The following ELP4 variants were observed in gnomAD, a reference collection of about 807,000 sequenced individuals.
ELP4 encodes elongator acetyltransferase complex subunit 4.
Under a neutral mutation model 48.9 loss-of-function variants are expected in ELP4, and 51 were observed. The observed-to-expected ratio is 1.04, with a 90% confidence interval of 0.83 to 1.32. ELP4 has a LOEUF of 1.32. ELP4 is among the 40% of genes most tolerant of loss of function. The probability of loss-of-function intolerance (pLI) is 0.00; values close to 1 mark genes in which losing one functional copy is unlikely to be tolerated. For missense variants in ELP4, 519 were observed against 514.6 expected, an observed-to-expected ratio of 1.01 and a Z score of -0.08; for synonymous variants, 210 against 189.2, an observed-to-expected ratio of 1.11 and a Z score of -0.90.
rs541383884 is a variant in ELP4 at position 31,586,644 on chromosome 11, GT to G, written c.382-8115del. On this transcript the variant is annotated intron_variant, in intron 3 of 9. Coordinates refer to ENST00000640961, the MANE Select transcript of ELP4 (RefSeq NM_019040.5). ...CCAGTCAAATTTTGTATGTTTTTTGGTTTTTTTTTTTGAGACAGAGTCTTGC... is the reference window on the plus strand; with the variant it reads ...CCAGTCAAATTTTGTATGTTTTTTGGTTTTTTTTTTGAGACAGAGTCTTGC... 1.8e-4 allele frequency among the ~76,000 whole-genome samples: 26 copies of G among 145,926 alleles called. 1 individual carries two copies. Among genetic ancestry groups the G allele is most frequent in the South Asian group, 6.5e-4 (3 of 4,610 alleles).
intron 5 of ELP4, among the ~76,000 whole-genome samples, chr11:31,623,455 T>C (rs895585347): frequency 2.7e-5 from 4 of 147,022 alleles, no homozygotes; most frequent in African/African-American, 9.9e-5. Flanking sequence ...TTATTATCAA[T>C]ATCATGTAAA....
intron 9 of ELP4, among the ~76,000 whole-genome samples, chr11:31,748,680 A>G (rs1401866866): frequency 5.3e-5 from 8 of 152,144 alleles, no homozygotes; most frequent in South Asian, 2.1e-4. Context: ...ACATTATAAT[A>G]TGACAGAAAA....
At chr11:31,738,118 A>G (rs1188881228) in intron 9 of ELP4, among the ~76,000 whole-genome samples, 1 of 151,754 alleles carries the variant, frequency 6.6e-6, no homozygotes, top group African/African-American at 2.4e-5. Context: ...AAATCCAGCC[A>G]GGCACGGTGG....
At chr11:31,574,684 G>C (rs1957242779) in intron 3 of ELP4, among the ~76,000 whole-genome samples, 1 of 152,174 alleles carries the variant, frequency 6.6e-6, no homozygotes, top group Non-Finnish European at 1.5e-5. Context: ...GTCTGGAGTG[G>C]ACCTCCGGCA....
intron 5 of ELP4, among the ~76,000 whole-genome samples, chr11:31,617,851 A>T (rs770826003): frequency 3.4e-4 from 52 of 152,082 alleles, no homozygotes; most frequent in Non-Finnish European, 5.4e-4. Context: ...AAGAAATCAA[A>T]ACCATCATAC....
At chr11:31,620,472 A>C (rs1944597217) in intron 5 of ELP4, among the ~76,000 whole-genome samples, 1 of 151,978 alleles carries the variant, frequency 6.6e-6, no homozygotes, top group Non-Finnish European at 1.5e-5. Context: ...CATGAAATTG[A>C]GATTATAGAG....
At chr11:31,657,727 A>G (rs1011076908) in intron 9 of ELP4, among the ~76,000 whole-genome samples, 2 of 152,046 alleles carry the variant, frequency 1.3e-5, no homozygotes, top group South Asian at 4.1e-4. Context: ...TACAGGAGTT[A>G]TATAACCTTC....
chr11:31,653,019 T>G (rs1945355434), intron 9 of ELP4: 2 of 151,718 alleles, frequency 1.3e-5, no homozygotes, highest in Non-Finnish European at 1.5e-5. Context: ...AGAGCAACTT[T>G]AACTCATAGT....
chr11:31,554,639 T>C (rs1956901611), intron 3 of ELP4, among the ~76,000 whole-genome samples: 1 of 152,136 alleles, frequency 6.6e-6, no homozygotes, highest in Non-Finnish European at 1.5e-5. Context: ...TGCAATATTA[T>C]TAACTATAGT....
chr11:31,779,431 T>C (rs375628759), intron 9 of ELP4, among the ~76,000 whole-genome samples: 40 of 152,252 alleles, frequency 2.6e-4, no homozygotes, highest in East Asian at 2.1e-3. Context: ...AGCCAGGAAT[T>C]CCAATCTTAT....
chr11:31,568,049 T>C (rs1247690112), intron 3 of ELP4, among the ~76,000 whole-genome samples: 1 of 152,190 alleles, frequency 6.6e-6, no homozygotes, highest in African/African-American at 2.4e-5. Context: ...TAGAGCTTTT[T>C]TCAAAATGGG....
At position 31,668,930 on chromosome 11, in the gene ELP4, A is replaced by G. The variant is rs550090628; in HGVS notation, c.1143+18709A>G. ...TTAGTTGAATTTTTAATTTAGTCCA[A>G]TGCTTTTTATTAAAATACATGTCCT... On this transcript the variant is annotated intron_variant, in intron 9 of 9. Coordinates refer to ENST00000640961, the MANE Select transcript of ELP4 (RefSeq NM_019040.5). Among the ~76,000 whole-genome samples, 40 of 151,856 alleles carry G rather than the reference A, an allele frequency of 2.6e-4. No individual in the cohort carries two copies. In the East Asian group the frequency reaches 6.2e-3, roughly 24 times the overall value.
chr11:31,509,941 C>G lies in ELP4; in HGVS notation c.157C>G (p.Arg53Gly). ...GPRLVSIAGT[R>G]PSVRNGQLLV... ...TCGACTGGTGTCCATTGCGGGCACG[C>G]GACCGTCGGTGCGGAATGGACAGCT... is the stretch of plus-strand genomic sequence containing the variant. The change falls in exon 1 of 10, where the codon CGA becomes GGA. Residue 53 changes from arginine to glycine, a missense_variant. Physicochemically the swap from Arg to Gly is moderately radical, Grantham distance 125. Transcript: ENST00000640961. The G allele has an allele frequency of 6.2e-7, 1 of 1,613,550 alleles. No individual in the cohort carries two copies. Among genetic ancestry groups the G allele is most frequent in the Non-Finnish European group, 8.5e-7 (1 of 1,180,022 alleles).
At chr11:31,586,242 C>G (rs931787123) in intron 3 of ELP4, among the ~76,000 whole-genome samples, 1 of 151,982 alleles carries the variant, frequency 6.6e-6, no homozygotes, top group African/African-American at 2.4e-5. Context: ...AAACATATAC[C>G]TAACATTTAT....
chr11:31,634,562 A>C (rs1192906988), intron 7 of ELP4, among the ~76,000 whole-genome samples: 1 of 152,056 alleles, frequency 6.6e-6, no homozygotes, highest in Non-Finnish European at 1.5e-5. Context: ...TTTCTGTGAC[A>C]GTGAATCCTG....
At chr11:31,575,998 A>G (rs1428606187) in intron 3 of ELP4, among the ~76,000 whole-genome samples, 2 of 152,346 alleles carry the variant, frequency 1.3e-5, no homozygotes, top group Non-Finnish European at 2.9e-5. Flanking sequence ...AGACTGGAAA[A>G]TTGGATAAAG....
At chr11:31,681,915 AT>A in intron 9 of ELP4, 1 of 338,854 alleles carries the variant, frequency 3.0e-6, no homozygotes, top group Non-Finnish European at 5.4e-6. Context: ...TAATTTTTGT[AT>A]TTTTAGTAGA....
chr11:31,759,861 G>A (rs966294567), intron 9 of ELP4, among the ~76,000 whole-genome samples: 4 of 151,796 alleles, frequency 2.6e-5, no homozygotes, highest in African/African-American at 9.7e-5. Flanking sequence ...TATATGCCAC[G>A]ACACACAGCT....
intron 3 of ELP4, among the ~76,000 whole-genome samples, chr11:31,579,575 C>T (rs1223700643): frequency 6.6e-6 from 1 of 152,032 alleles, no homozygotes; most frequent in Non-Finnish European, 1.5e-5. Flanking sequence ...GAAAATGAGG[C>T]ACATATACAC....
Sources: gnomAD v4.1 joint callset for allele counts (sites outside exome capture counted in the v4.1 genomes callset) on GRCh38, gnomAD v4.1.1 for gene constraint, MANE v1.5 for transcripts, NCBI Gene and HGNC (gene_info 2026-07-23, HGNC 2026-07-21) for gene names.